Variants in DLGAP1 observed in about 807,000 individuals in gnomAD.
DLGAP1 encodes DLG associated protein 1.
DLGAP1 carries 11 observed loss-of-function variants against 90.8 expected under a neutral mutation model. That is an observed-to-expected ratio of 0.12 (90% CI 0.08 to 0.20). DLGAP1 has a LOEUF of 0.20. Ranked by LOEUF, DLGAP1 falls within the 10% of genes least tolerant of loss-of-function variation. DLGAP1 has a pLI of 1.00. For missense variants in DLGAP1, 1,050 were observed against 1,333.8 expected (o/e 0.79, Z 3.31); for synonymous variants, 558 against 540.7 (o/e 1.03, Z -0.44).
At chr18:4,197,629 T>G (rs1372760985) in intron 1 of DLGAP1, among the ~76,000 whole-genome samples, 1 of 152,150 alleles carries the variant, frequency 6.6e-6, no homozygotes, top group Non-Finnish European at 1.5e-5. Context: ...AAGACAGTAA[T>G]GTTTTAATGG....
At chr18:4,366,055 T>C (rs2081757345) in intron 1 of DLGAP1, among the ~76,000 whole-genome samples, 1 of 152,118 alleles carries the variant, frequency 6.6e-6, no homozygotes, top group Admixed American at 6.5e-5. Context: ...ACATACTGTA[T>C]ACGTACTGTC....
chr18:3,672,667 A>G (rs2060142919), intron 7 of DLGAP1, among the ~76,000 whole-genome samples: 1 of 150,896 alleles, frequency 6.6e-6, no homozygotes, highest in Non-Finnish European at 1.5e-5. Context: ...GAGACTACTC[A>G]CAACTAAGTT....
chr18:3,990,530 GC>G lies in DLGAP1; in HGVS notation c.-73+14585del, dbSNP rs1315105500. ...GATAGCATTAGGAGATATACCTAATGCTAAATGACGAGTTAATGGGTGCAAC... is the reference window on the plus strand; with the variant it reads ...GATAGCATTAGGAGATATACCTAATGTAAATGACGAGTTAATGGGTGCAAC... On this transcript the variant is annotated intron_variant, in intron 3 of 12. Coordinates refer to ENST00000315677, the MANE Select transcript of DLGAP1 (RefSeq NM_004746.4). Among the ~76,000 whole-genome samples the G allele has an allele frequency of 3.4e-3, 510 of 150,848 alleles. 2 individuals are homozygous for G. The highest frequency in any genetic ancestry group is 0.024 in the Middle Eastern group (7 of 286).
At chr18:4,416,944 G>T (rs1197142225) in intron 1 of DLGAP1, among the ~76,000 whole-genome samples, 2 of 152,096 alleles carry the variant, frequency 1.3e-5, no homozygotes, top group African/African-American at 4.8e-5. Context: ...TGTCACTCTG[G>T]GGCTTGATAT....
Position 4,425,172 on chromosome 18 carries a change from T to G in DLGAP1, c.-267+29834A>C, listed in dbSNP as rs186413228. Among the ~76,000 whole-genome samples the G allele has an allele frequency of 2.5e-3, 375 of 152,286 alleles. 1 individual carries two copies. The highest frequency in any genetic ancestry group is 4.5e-3 in the Non-Finnish European group (309 of 68,008). ...AATATTTCAAAACCAAAAAAAATTGTTATAAAATGGTTCCACAAATCATCA... is the reference window on the plus strand; with the variant it reads ...AATATTTCAAAACCAAAAAAAATTGGTATAAAATGGTTCCACAAATCATCA... On this transcript the variant is annotated intron_variant, in intron 1 of 12. Coordinates refer to ENST00000315677, the MANE Select transcript of DLGAP1 (RefSeq NM_004746.4).
chr18:3,856,823 C>T (rs1181473947), intron 4 of DLGAP1, among the ~76,000 whole-genome samples: 4 of 151,612 alleles, frequency 2.6e-5, no homozygotes, highest in South Asian at 2.1e-4. Flanking sequence ...ATTCCGCCAC[C>T]GCACTCCAGC....
chr18:4,041,939 G>A (rs2074981076), intron 2 of DLGAP1, among the ~76,000 whole-genome samples: 1 of 152,190 alleles, frequency 6.6e-6, no homozygotes, highest in Non-Finnish European at 1.5e-5. Flanking sequence ...GATCTACCGG[G>A]CTGTGGGCAG....
rs1263113956 is a variant in DLGAP1, at chr18:3,660,911, A to T, written c.1591+68224T>A. ...TCATCACCCTGGGCCAAATTATGAC[A>T]GCAATGTTCACAGGAAACTGTATGA... On this transcript the variant is annotated intron_variant, in intron 7 of 12. Coordinates refer to ENST00000315677, the MANE Select transcript of DLGAP1 (RefSeq NM_004746.4). This position sits in a 1 kb window ranked among gnomAD's most constrained non-coding sequence, Gnocchi z 4.2. Among the ~76,000 whole-genome samples, 1 of 152,240 alleles carries T rather than the reference A, an allele frequency of 6.6e-6. No homozygotes were observed. Among genetic ancestry groups the T allele is most frequent in the Non-Finnish European group, 1.5e-5 (1 of 68,038 alleles).
At chr18:3,771,312 C>T (rs2148008795) in intron 5 of DLGAP1, 1 of 152,420 alleles carries the variant, frequency 6.6e-6, no homozygotes, top group Middle Eastern at 3.4e-3. Flanking sequence ...TTCTCTGGGT[C>T]TTTATTAATT....
intron 9 of DLGAP1, among the ~76,000 whole-genome samples, chr18:3,566,686 C>A (rs901628797): frequency 3.3e-5 from 5 of 152,048 alleles, no homozygotes; most frequent in African/African-American, 1.2e-4. Context: ...AAGTTAGTAG[C>A]AAAGTTGAGA....
intron 2 of DLGAP1, among the ~76,000 whole-genome samples, chr18:4,138,203 G>C (rs1378393027): frequency 6.6e-6 from 1 of 152,048 alleles, no homozygotes; most frequent in Non-Finnish European, 1.5e-5. Flanking sequence ...TAAAGGAAAG[G>C]CTTTTCCTTT....
chr18:3,522,561 T>TTTC (rs2051280101), intron 10 of DLGAP1, among the ~76,000 whole-genome samples: 1 of 148,042 alleles, frequency 6.8e-6, no homozygotes, highest in Non-Finnish European at 1.5e-5. Context: ...TTTTTTTTTT[T>TTTC]TTTGGAGACC....
chr18:4,190,176 C>T (rs1298748661), intron 1 of DLGAP1, among the ~76,000 whole-genome samples: 2 of 151,790 alleles, frequency 1.3e-5, no homozygotes, highest in African/African-American at 4.8e-5. Context: ...AGATATTATT[C>T]AGTAATGTGA....
chr18:3,741,293 C>T (rs1407013026), intron 6 of DLGAP1, among the ~76,000 whole-genome samples: 5 of 131,156 alleles, frequency 3.8e-5, no homozygotes, highest in Non-Finnish European at 6.5e-5. Flanking sequence ...ACCACCACCA[C>T]CACCACCACA....
intron 2 of DLGAP1, among the ~76,000 whole-genome samples, chr18:4,072,493 C>T (rs574113656): frequency 4.9e-4 from 72 of 146,998 alleles, no homozygotes; most frequent in Middle Eastern, 3.5e-3. Flanking sequence ...TTTTTTGAGA[C>T]GGAGTCATCT....
intron 1 of DLGAP1, among the ~76,000 whole-genome samples, chr18:4,357,780 A>G (rs1349864512): frequency 6.6e-6 from 1 of 152,190 alleles, no homozygotes; most frequent in East Asian, 1.9e-4. Flanking sequence ...TCCACTGATT[A>G]ACAAACAGGC....
At chr18:3,865,355 C>G (rs115611233) in intron 4 of DLGAP1, among the ~76,000 whole-genome samples, 1 of 152,234 alleles carries the variant, frequency 6.6e-6, no homozygotes, top group African/African-American at 2.4e-5. Context: ...ACACAAGGAG[C>G]CTTGAGTAAA....
At chr18:4,083,712 C>G (rs9964492) in intron 2 of DLGAP1, among the ~76,000 whole-genome samples, 90,331 of 151,874 alleles carry the variant, frequency 0.59, 27,583 homozygotes, top group Non-Finnish European at 0.64. Flanking sequence ...TTGCTTCTTT[C>G]GTGCCCTAGA....
chr18:3,694,995 G>A (rs2061041496), intron 7 of DLGAP1, among the ~76,000 whole-genome samples: 2 of 148,682 alleles, frequency 1.3e-5, no homozygotes, highest in Non-Finnish European at 3.0e-5. Flanking sequence ...ACTGGAGTGC[G>A]GTGGCGTGCT....
Sources: allele counts gnomAD v4.1 joint callset (sites outside exome capture counted in the v4.1 genomes callset), GRCh38; gene constraint gnomAD v4.1.1; non-coding constraint Gnocchi (gnomAD v3.1); transcripts MANE v1.5; gene names NCBI Gene and HGNC (gene_info 2026-07-23, HGNC 2026-07-21).